ANKRD55: variants seen among roughly 807,000 people sequenced by gnomAD.
ANKRD55 encodes the protein ankyrin repeat domain 55, also known as ankyrin repeat domain-containing protein 55.
A neutral mutation model predicts 60.6 loss-of-function variants in ANKRD55; 41 were observed. The ratio of observed to expected loss-of-function variants is 0.68; its 90% confidence interval spans 0.53 to 0.88. ANKRD55 has a LOEUF of 0.88. ANKRD55 is among the 40% of genes least tolerant of loss of function. ANKRD55 has a pLI of 0.00. For synonymous variants in ANKRD55, 264 were observed against 290.3 expected (o/e 0.91, Z 0.92); for missense variants, 732 against 767.6 (o/e 0.95, Z 0.55).
intron 2 of ANKRD55, among the ~76,000 whole-genome samples, chr5:56,202,625 A>G (rs1236045456): frequency 6.6e-6 from 1 of 152,256 alleles, no homozygotes; most frequent in African/African-American, 2.4e-5. Flanking sequence ...GGGAACAAAC[A>G]TGCAAAGTGA....
intron 8 of ANKRD55, 149 bp downstream of exon 8, chr5:56,126,773 A>C: frequency 1.2e-6 from 1 of 836,078 alleles, no homozygotes; most frequent in Non-Finnish European, 1.8e-6. Flanking sequence ...TCACTAAAAT[A>C]GAGCAATTTT....
At chr5:56,143,771 C>G (rs199518538) in intron 7 of ANKRD55, 30 bp downstream of exon 7, 181 of 1,613,716 alleles carry the variant, frequency 1.1e-4, no homozygotes, top group Non-Finnish European at 1.4e-4. Context: ...CCATTTAAAC[C>G]TGAGACCAGT....
At chr5:56,113,339 A>G (rs1248996939) in intron 9 of ANKRD55, among the ~76,000 whole-genome samples, 2 of 152,218 alleles carry the variant, frequency 1.3e-5, no homozygotes, top group Non-Finnish European at 2.9e-5. Flanking sequence ...CAATAGTGGC[A>G]TCAATGTACT....
chr5:56,157,460 T>C (rs533124839), intron 6 of ANKRD55, among the ~76,000 whole-genome samples: 17 of 152,294 alleles, frequency 1.1e-4, no homozygotes, highest in Admixed American at 3.9e-4. Flanking sequence ...GGAAGGCCTC[T>C]TTGCAGTTGA....
chr5:56,190,012 T>A (rs750427732), intron 2 of ANKRD55, among the ~76,000 whole-genome samples: 25 of 152,342 alleles, frequency 1.6e-4, no homozygotes, highest in Middle Eastern at 3.4e-3. Context: ...TTAAAAAAAA[T>A]AATAGCCATC....
At chr5:56,198,635 C>A (rs779235419) in intron 2 of ANKRD55, among the ~76,000 whole-genome samples, 2 of 152,048 alleles carry the variant, frequency 1.3e-5, no homozygotes, top group African/African-American at 4.8e-5. Flanking sequence ...TTCCACTCAC[C>A]CTTTTCTCAA....
At chr5:56,213,730 G>A (rs565781293) in intron 2 of ANKRD55, among the ~76,000 whole-genome samples, 8 of 152,270 alleles carry the variant, frequency 5.3e-5, no homozygotes, top group Admixed American at 2.0e-4. Context: ...AGAAGGCGTC[G>A]TAGTCTCGGA....
intron 7 of ANKRD55, among the ~76,000 whole-genome samples, chr5:56,137,859 C>T (rs1241627874): frequency 6.6e-6 from 1 of 152,104 alleles, no homozygotes; most frequent in Non-Finnish European, 1.5e-5. Flanking sequence ...TTTAAATGGG[C>T]AGAAGATCTT....
chr5:56,210,737 G>A (rs987842916), intron 2 of ANKRD55, among the ~76,000 whole-genome samples: 2 of 152,072 alleles, frequency 1.3e-5, no homozygotes, highest in South Asian at 2.1e-4. Context: ...TATGGATACT[G>A]CATTTTTAAA....
intron 2 of ANKRD55, among the ~76,000 whole-genome samples, chr5:56,187,615 G>A (rs1051649485): frequency 6.6e-6 from 1 of 152,232 alleles, no homozygotes; most frequent in East Asian, 1.9e-4. Context: ...CAGGGTGACC[G>A]CTGTGCTCCT....
chr5:56,200,891 A>T (rs777147564), intron 2 of ANKRD55, among the ~76,000 whole-genome samples: 4 of 152,198 alleles, frequency 2.6e-5, no homozygotes, highest in Non-Finnish European at 5.9e-5. Context: ...TTGGACAACC[A>T]CAGAGGACTC....
At chr5:56,159,788 C>T in intron 6 of ANKRD55, 45 bp downstream of exon 6, 1 of 1,593,264 alleles carries the variant, frequency 6.3e-7, no homozygotes, top group Middle Eastern at 1.8e-4. Context: ...TTCCTTTCAC[C>T]CTCACATGCA....
chr5:56,130,811 C>T (rs1170700875), intron 7 of ANKRD55, among the ~76,000 whole-genome samples: 1 of 152,012 alleles, frequency 6.6e-6, no homozygotes, highest in Non-Finnish European at 1.5e-5. Context: ...ATAATAAATG[C>T]TGGAGATAAA....
At chr5:56,135,271 C>CTT (rs1486823585) in intron 7 of ANKRD55, among the ~76,000 whole-genome samples, 3,012 of 120,356 alleles carry the variant, frequency 0.025, 144 homozygotes, top group Middle Eastern at 0.038. Context: ...TCTTTCCCTC[C>CTT]CTCCCTCCCT....
chr5:56,108,689 C>T lies in ANKRD55; in HGVS notation c.1630+2429G>A, dbSNP rs190473207. Among the ~76,000 whole-genome samples, 226 of 152,268 alleles carry T rather than the reference C, an allele frequency of 1.5e-3. 1 individual carries two copies. The highest frequency in any genetic ancestry group is 6.8e-3 in the Middle Eastern group (2 of 292). On this transcript the variant is annotated intron_variant, in intron 10 of 11. Transcript: ENST00000341048. ...GAGTCAAAATCAACTGCATATTAAA[C>T]GCAAAGGAATTTTGCTCATTCTGAA...
At position 56,158,122 on chromosome 5, in the gene ANKRD55, A is replaced by G. The variant is rs567015206; in HGVS notation, c.483+1711T>C. Among the ~76,000 whole-genome samples the G allele has an allele frequency of 2.0e-4, 31 of 152,130 alleles. No homozygotes were observed. In the South Asian group the frequency reaches 5.6e-3, roughly 28 times the overall value. On this transcript the variant is annotated intron_variant, in intron 6 of 11. Transcript: ENST00000341048. ...CTTGAATCTGGGAGGCGGAGGCTGTAGTGAGCTGAGATTGCACCACTGTAC... is the reference window on the plus strand; with the variant it reads ...CTTGAATCTGGGAGGCGGAGGCTGTGGTGAGCTGAGATTGCACCACTGTAC...
intron 6 of ANKRD55, among the ~76,000 whole-genome samples, chr5:56,155,760 A>C (rs1758176091): frequency 6.6e-6 from 1 of 151,054 alleles, no homozygotes. Context: ...TGAGAGGATC[A>C]CCTGAGCCCA....
intron 4 of ANKRD55, among the ~76,000 whole-genome samples, chr5:56,171,452 C>A (rs1008907547): frequency 6.6e-6 from 1 of 152,186 alleles, no homozygotes; most frequent in African/African-American, 2.4e-5. Context: ...CTTGTCTCCT[C>A]CTCGGTCAAC....
intron 11 of ANKRD55, among the ~76,000 whole-genome samples, chr5:56,100,661 A>G (rs1401225479): frequency 6.6e-6 from 1 of 152,222 alleles, no homozygotes; most frequent in Non-Finnish European, 1.5e-5. Context: ...CTGTGCTTTT[A>G]TGCAAACCTC....
Sources: gnomAD v4.1 joint callset for allele counts (sites outside exome capture counted in the v4.1 genomes callset) on GRCh38, gnomAD v4.1.1 for gene constraint, MANE v1.5 for transcripts, NCBI Gene and HGNC (gene_info 2026-07-23, HGNC 2026-07-21) for gene names.